SLC4A3: variants seen among roughly 807,000 people sequenced by gnomAD.
SLC4A3 encodes solute carrier family 4 member 3.
In SLC4A3, 47 loss-of-function variants were observed where a neutral mutation model predicts 114.2. That is an observed-to-expected ratio of 0.41 (90% confidence interval 0.33 to 0.52). The LOEUF (loss-of-function observed/expected upper bound fraction) is 0.52, where lower values mean the gene tolerates loss of function less well. Among genes scored for constraint, SLC4A3 ranks in the 20% least tolerant of loss-of-function variants. The probability of loss-of-function intolerance (pLI) is 0.21; values close to 1 mark genes in which losing one functional copy is unlikely to be tolerated. For synonymous variants in SLC4A3, 693 were observed against 710.3 expected (o/e 0.98, Z 0.39); for missense variants, 1,312 against 1,668.3 (o/e 0.79, Z 3.72).
At position 219,635,599 on chromosome 2, in the gene SLC4A3, C is replaced by G. The variant is rs2305055; in HGVS notation, c.1973-74C>G. On this transcript the variant is annotated intron_variant, in intron 13 of 22. Transcript: ENST00000358055. ...TCCTGACTCCTGGAGTCCTTTGCAT[C>G]CCTGATCCCAACAGCCCGGGGCCTC... 0.22 allele frequency: 322,899 copies of G among 1,472,902 alleles called. 36,696 individuals carry two copies. The highest frequency in any genetic ancestry group is 0.33 in the Middle Eastern group (1,889 of 5,794). 91.2% of individuals were successfully genotyped at this position (1,472,902 alleles called of 1,614,324 possible).
In SLC4A3 at chr2:219,633,385, G is replaced by T; in HGVS notation, c.1389G>T (p.Gly463=). Residue 463 remains glycine, a synonymous_variant, in exon 10 of 23, where the codon GGG becomes GGT. Coordinates refer to ENST00000358055, the MANE Select transcript of SLC4A3 (RefSeq NM_005070.4). The part of the protein sequence containing the change: ...HHPTPSHGPD[G]AVPTMADDLG... ...CAACTCCCAGCCATGGCCCTGATGG[G>T]GCGGTGCCTACCATGGCTGATGACC... The T allele has an allele frequency of 6.2e-7, 1 of 1,600,828 alleles. No individual in the cohort carries two copies. The highest frequency in any genetic ancestry group is 8.5e-7 in the Non-Finnish European group (1 of 1,172,334).
Position 219,641,030 on chromosome 2 carries a change from G to C in SLC4A3, c.3621+68G>C. 2 of 1,445,938 alleles carry C rather than the reference G, an allele frequency of 1.4e-6. No homozygotes were observed. Among genetic ancestry groups the C allele is most frequent in the Non-Finnish European group, 1.9e-6 (2 of 1,059,048 alleles). The allele number at this position is 1,445,938 out of a possible 1,614,324, so 89.6% of individuals were successfully genotyped here. A position where few individuals can be genotyped will look rare whatever the true frequency, so the allele number is the denominator to read the frequency against. ...GGCACTGGGTTCCAATCTCTGTTTG[G>C]CCACCCACTAGTTGTGTTAGTTGTG... On this transcript the variant is annotated intron_variant, in intron 22 of 22. Coordinates refer to ENST00000358055, the MANE Select transcript of SLC4A3 (RefSeq NM_005070.4). The surrounding 1 kb of genome is among the most constrained non-coding windows in gnomAD (Gnocchi z 4.0).
Position 219,631,320 on chromosome 2 carries a change from G to A in SLC4A3, c.812-648G>A. The A allele has an allele frequency of 7.7e-7, 1 of 1,304,200 alleles. No individual in the cohort carries two copies. The highest frequency in any genetic ancestry group is 1.0e-6 in the Non-Finnish European group (1 of 988,892). The allele number at this position is 1,304,200 out of a possible 1,614,324, so 80.8% of individuals were successfully genotyped here. The stretch of plus-strand genomic sequence containing the variant: ...TGGGGATACCAATAGCTGGGGCTTT[G>A]GGAGGGATCCAGCCCCCAGTCCTCG... On this transcript the variant is annotated intron_variant, in intron 6 of 22. Coordinates refer to ENST00000358055, the MANE Select transcript of SLC4A3 (RefSeq NM_005070.4). This position sits in a 1 kb window ranked among gnomAD's most constrained non-coding sequence, Gnocchi z 6.3.
chr2:219,632,291 G>A lies in SLC4A3; in HGVS notation c.990G>A (p.Leu330=), dbSNP rs748549963. ...EVFVELNELM[L]DRSQEPHWRE... ...TCGTGGAGCTGAACGAGCTGATGCTGGACCGCAGCCAGGAGCCCCACTGGC... is the reference window on the plus strand; with the variant it reads ...TCGTGGAGCTGAACGAGCTGATGCTAGACCGCAGCCAGGAGCCCCACTGGC... Residue 330 remains leucine (L), a synonymous_variant, in exon 8 of 23, where the codon CTG becomes CTA. Transcript: ENST00000358055. 6.2e-7 allele frequency: 1 copy of A among 1,614,086 alleles called. No individual in the cohort carries two copies. Among genetic ancestry groups the A allele is most frequent in the East Asian group, 2.2e-5 (1 of 44,876 alleles).
In SLC4A3 at chr2:219,636,223, C is replaced by T. The variant is rs1699111795; in HGVS notation, c.2192-79C>T. On this transcript the variant is annotated intron_variant, in intron 14 of 22. Transcript: ENST00000358055. The surrounding 1 kb of genome is among the most constrained non-coding windows in gnomAD (Gnocchi z 5.5). ...GGCTGCTCTGCTTTTGTTGGGGGCCCCAGTTTAGGACAAGCTAGATGAAGA... is the reference window on the plus strand; with the variant it reads ...GGCTGCTCTGCTTTTGTTGGGGGCCTCAGTTTAGGACAAGCTAGATGAAGA... 1.9e-6 allele frequency: 3 copies of T among 1,571,452 alleles called. No individual in the cohort carries two copies. In the South Asian group the frequency reaches 3.4e-5, roughly 18 times the overall value.
chr2:219,637,725 C>T lies in SLC4A3; in HGVS notation c.2680C>T (p.Leu894=). 1.2e-6 allele frequency: 2 copies of T among 1,613,968 alleles called. No individual in the cohort carries two copies. The highest frequency in any genetic ancestry group is 1.7e-6 in the Non-Finnish European group (2 of 1,179,870). The part of the protein sequence containing the change: ...PSPRNQPNTA[L]LSLILMLGTF... ...CCCGAGGAACCAGCCCAATACGGCA[C>T]TGCTCTCACTCATCCTCATGCTCGG... The change falls in exon 17 of 23, where the codon CTG becomes TTG. Residue 894 remains leucine, a synonymous_variant. Transcript: ENST00000358055. The surrounding 1 kb of genome is among the most constrained non-coding windows in gnomAD (Gnocchi z 4.6).
chr2:219,629,485 A>G (rs557815815), intron 4 of SLC4A3, 64 bp downstream of exon 4: 1 of 1,597,758 alleles, frequency 6.3e-7, no homozygotes, highest in East Asian at 2.2e-5. Context: ...AGAGGAGGAG[A>G]GGAGTGCGTG....
rs774780857 is a variant in SLC4A3, at chr2:219,637,761, A to G, written c.2716A>G (p.Ile906Val). 4 of 1,613,856 alleles carry G rather than the reference A, an allele frequency of 2.5e-6. No homozygotes were observed. The South Asian group carries it at 3.3e-5, about 13-fold the overall frequency. Residue 906 changes from isoleucine (I) to valine (V), a missense_variant, in exon 17 of 23, where the codon ATA becomes GTA. Physicochemically the swap from Ile to Val is conservative, Grantham distance 29 (BLOSUM62 3). This residue lies in a region of SLC4A3 where 301 missense variants were observed against 460.7 expected (regional missense o/e 0.65). Coordinates refer to ENST00000358055, the MANE Select transcript of SLC4A3 (RefSeq NM_005070.4). This position sits in a 1 kb window ranked among gnomAD's most constrained non-coding sequence, Gnocchi z 4.6. ...SLILMLGTFF[I>V]AFFLRKFRNS... ...CATCCTCATGCTCGGGACCTTCTTC[A>G]TAGCCTTCTTCCTGCGCAAGTTCAG...
chr2:219,629,854 C>T (rs1698855316), intron 5 of SLC4A3, among the ~76,000 whole-genome samples, 159 bp downstream of exon 5: 1 of 114,518 alleles, frequency 8.7e-6, no homozygotes, highest in Non-Finnish European at 1.8e-5. Flanking sequence ...CCTTCTCTGT[C>T]CTCATGATTT....
In SLC4A3 at chr2:219,637,514, A is replaced by G. The variant is rs1699166910; in HGVS notation, c.2536-67A>G. Reference sequence around the variant, plus strand: ...GGGCCACCCTCTCTCTCACAGGTGTACTGATGACGATGAAGTCAGGTCACC... The same window carrying G: ...GGGCCACCCTCTCTCTCACAGGTGTGCTGATGACGATGAAGTCAGGTCACC... On this transcript the variant is annotated intron_variant, in intron 16 of 22. Transcript: ENST00000358055. The surrounding 1 kb of genome is among the most constrained non-coding windows in gnomAD (Gnocchi z 4.6). 9 of 836,252 alleles carry G rather than the reference A, an allele frequency of 1.1e-5. No individual in the cohort carries two copies. The South Asian group carries it at 1.5e-4, about 14-fold the overall frequency. 51.8% of individuals were successfully genotyped at this position (836,252 alleles called of 1,614,324 possible). A position where few individuals can be genotyped will look rare whatever the true frequency, so the allele number is the denominator to read the frequency against.
Position 219,636,182 on chromosome 2 carries a change from G to A in SLC4A3, c.2192-120G>A. 1.7e-6 allele frequency: 2 copies of A among 1,149,272 alleles called. No homozygotes were observed. Among genetic ancestry groups the A allele is most frequent in the Non-Finnish European group, 2.5e-6 (2 of 791,306 alleles). 71.2% of individuals were successfully genotyped at this position (1,149,272 alleles called of 1,614,324 possible). Reference sequence around the variant, plus strand: ...AGCAATGGGGTATGGAAGGGGCCCTGTGTGTCACTCTAAGGGGCTGCTCTG... The same window carrying A: ...AGCAATGGGGTATGGAAGGGGCCCTATGTGTCACTCTAAGGGGCTGCTCTG... On this transcript the variant is annotated intron_variant, in intron 14 of 22. Transcript: ENST00000358055. This position sits in a 1 kb window ranked among gnomAD's most constrained non-coding sequence, Gnocchi z 5.5.
rs763281520 is a variant in SLC4A3 at position 219,635,478 on chromosome 2, T to C, written c.1954T>C (p.Tyr652His). 3.4e-5 allele frequency: 55 copies of C among 1,611,896 alleles called. No individual in the cohort carries two copies. In the South Asian group the frequency reaches 4.1e-4, roughly 12 times the overall value. The change falls in exon 13 of 23, where the codon TAC becomes CAC. Residue 652 changes from tyrosine to histidine, a missense_variant. Tyr to His is a moderately conservative substitution (Grantham distance 83, BLOSUM62 2). This residue lies in a region of SLC4A3 where 771 missense variants were observed against 977.7 expected (regional missense o/e 0.79). Coordinates refer to ENST00000358055, the MANE Select transcript of SLC4A3 (RefSeq NM_005070.4). The stretch of plus-strand genomic sequence containing the variant: ...AGTCGAGATGACCACACGGGGTGGC[T>C]ACACGGCCCCTGGGAAAGGTCAGAC... ...TKVEMTTRGG[Y>H]TAPGKELSLE...
rs959395570 is a variant in SLC4A3, at chr2:219,639,078, C to T, written c.3023+209C>T. Among the ~76,000 whole-genome samples, 1 of 151,966 alleles carries T rather than the reference C, an allele frequency of 6.6e-6. No homozygotes were observed. Among genetic ancestry groups the T allele is most frequent in the African/African-American group, 2.4e-5 (1 of 41,364 alleles). On this transcript the variant is annotated intron_variant, in intron 19 of 22. Coordinates refer to ENST00000358055, the MANE Select transcript of SLC4A3 (RefSeq NM_005070.4). This position sits in a 1 kb window ranked among gnomAD's most constrained non-coding sequence, Gnocchi z 5.9. ...GGGAGGAGCAGAGAGCAGTGGCATC[C>T]GGGGCAGGGGCATGGTTTCCCCGTG... is the stretch of plus-strand genomic sequence containing the variant.
rs941319944 is a variant in SLC4A3, at chr2:219,639,008, AAG to A, written c.3023+144_3023+145del. ...TGGGAGCTGGTGGCAATCCTTGAGG[AAG>A]AGAGTGTGTGTGGAGGAGCTGGCAG... On this transcript the variant is annotated intron_variant, in intron 19 of 22. Transcript: ENST00000358055. This position sits in a 1 kb window ranked among gnomAD's most constrained non-coding sequence, Gnocchi z 5.9. The A allele has an allele frequency of 1.0e-6, 1 of 957,338 alleles. No individual in the cohort carries two copies. Among genetic ancestry groups the A allele is most frequent in the African/African-American group, 1.6e-5 (1 of 62,142 alleles). 59.3% of individuals were successfully genotyped at this position (957,338 alleles called of 1,614,324 possible).
rs760996889 is a variant in SLC4A3 at position 219,628,554 on chromosome 2, C to T, written c.201C>T (p.Ser67=). The T allele has an allele frequency of 6.2e-7, 1 of 1,613,058 alleles. No individual in the cohort carries two copies. Among genetic ancestry groups the T allele is most frequent in the Non-Finnish European group, 8.5e-7 (1 of 1,179,796 alleles). The change falls in exon 3 of 23, where the codon AGC becomes AGT. Residue 67 remains serine, a synonymous_variant. Transcript: ENST00000358055. This position sits in a 1 kb window ranked among gnomAD's most constrained non-coding sequence, Gnocchi z 4.8. Reference sequence around the variant, plus strand: ...CCGAGAAGCCCAGCCGCAGCTACAGCGAGCGGGACTTTGAGTGTGGGTAGC... The same window carrying T: ...CCGAGAAGCCCAGCCGCAGCTACAGTGAGCGGGACTTTGAGTGTGGGTAGC... ...WDPEKPSRSY[S]ERDFEFHRHT... is the part of the protein sequence containing the mutation.
At position 219,637,837 on chromosome 2, in the gene SLC4A3, C is replaced by T. The variant is rs1699182937; in HGVS notation, c.2766+26C>T. On this transcript the variant is annotated intron_variant, in intron 17 of 22. Transcript: ENST00000358055. This position sits in a 1 kb window ranked among gnomAD's most constrained non-coding sequence, Gnocchi z 4.6. ...GTGCGTGGCTGCTGGGTGTGGAGCC[C>T]CCAAGAGTCCCACAATTCCTGCTGT... 1 of 1,527,766 alleles carries T rather than the reference C, an allele frequency of 6.5e-7. No homozygotes were observed. Among genetic ancestry groups the T allele is most frequent in the Non-Finnish European group, 9.1e-7 (1 of 1,102,066 alleles). 94.6% of individuals were successfully genotyped at this position (1,527,766 alleles called of 1,614,324 possible).
rs564607949 is a variant in SLC4A3 at position 219,628,079 on chromosome 2, G to C, written c.51+36G>C. The C allele has an allele frequency of 7.4e-6, 11 of 1,482,924 alleles. No individual in the cohort carries two copies. In the East Asian group the frequency reaches 2.3e-4, roughly 31 times the overall value. 91.9% of individuals were successfully genotyped at this position (1,482,924 alleles called of 1,614,324 possible). A position where few individuals can be genotyped will look rare whatever the true frequency, so the allele number is the denominator to read the frequency against. On this transcript the variant is annotated intron_variant, in intron 2 of 22. Transcript: ENST00000358055. The surrounding 1 kb of genome is among the most constrained non-coding windows in gnomAD (Gnocchi z 4.8). ...CGCGCGGGGGCGGGGGAGAGATGGG[G>C]GAGGAGAGGGGAGGGACCTTAGGGT...
At position 219,633,322 on chromosome 2, in the gene SLC4A3, G is replaced by A. The variant is rs1327363963; in HGVS notation, c.1326G>A (p.Ser442=). 2 of 1,600,782 alleles carry A rather than the reference G, an allele frequency of 1.2e-6. No homozygotes were observed. Among genetic ancestry groups the A allele is most frequent in the Non-Finnish European group, 8.5e-7 (1 of 1,171,446 alleles). ...KDSGFFPRNP[S]SSSMNSVLGN... Reference sequence around the variant, plus strand: ...GTGGCTTCTTTCCCCGAAACCCATCGAGCTCCAGCATGAACTCGGTTCTGG... The same window carrying A: ...GTGGCTTCTTTCCCCGAAACCCATCAAGCTCCAGCATGAACTCGGTTCTGG... The change falls in exon 10 of 23, where the codon TCG becomes TCA. Residue 442 remains serine, a synonymous_variant. Transcript: ENST00000358055.
rs962339861 is a variant in SLC4A3 at position 219,636,787 on chromosome 2, C to T, written c.2448C>T (p.Val816=). Residue 816 remains valine, a synonymous_variant, in exon 16 of 23, where the codon GTC becomes GTT. Coordinates refer to ENST00000358055, the MANE Select transcript of SLC4A3 (RefSeq NM_005070.4). This position sits in a 1 kb window ranked among gnomAD's most constrained non-coding sequence, Gnocchi z 5.5. ...ALVAAEGSFL[V]RYISPFTQEI... is the part of the protein sequence containing the mutation. ...TGGCCGCCGAAGGCAGCTTCCTGGTCCGCTACATCTCGCCTTTCACCCAGG... is the reference window on the plus strand; with the variant it reads ...TGGCCGCCGAAGGCAGCTTCCTGGTTCGCTACATCTCGCCTTTCACCCAGG... 1.2e-6 allele frequency: 2 copies of T among 1,614,102 alleles called. No individual in the cohort carries two copies. The highest frequency in any genetic ancestry group is 8.5e-7 in the Non-Finnish European group (1 of 1,179,968).
Sources: gnomAD v4.1 joint callset for allele counts (sites outside exome capture counted in the v4.1 genomes callset) on GRCh38, gnomAD v4.1.1 for gene constraint, gnomAD v4.1.1 regional missense constraint, Gnocchi (gnomAD v3.1) non-coding constraint, MANE v1.5 for transcripts, NCBI Gene and HGNC (gene_info 2026-07-23, HGNC 2026-07-21) for gene names.